The following AFG2A variants were observed in gnomAD, a reference collection of about 807,000 sequenced individuals.
AFG2A encodes AAA ATPase AFG2A.
chr4:122,968,448 T>C, the AFG2A span, among the ~76,000 whole-genome samples: 1 of 152,222 alleles, frequency 6.6e-6, no homozygotes, highest in Non-Finnish European at 1.5e-5. Flanking sequence ...CAGCCCTACA[T>C]GCTCACCTCA....
the AFG2A span, among the ~76,000 whole-genome samples, chr4:123,150,549 C>A: frequency 6.6e-6 from 1 of 151,884 alleles, no homozygotes; most frequent in East Asian, 2.0e-4. Context: ...CCTAGGAATC[C>A]AACTTACAAG....
At chr4:123,001,410 G>A in the AFG2A span, among the ~76,000 whole-genome samples, 1 of 151,652 alleles carries the variant, frequency 6.6e-6, no homozygotes, top group South Asian at 2.1e-4. Context: ...TGTCAATTTT[G>A]GATCTTTCCT....
the AFG2A span, among the ~76,000 whole-genome samples, chr4:123,200,118 C>A: frequency 6.6e-6 from 1 of 151,824 alleles, no homozygotes; most frequent in Non-Finnish European, 1.5e-5. Context: ...TTCTTTTTTT[C>A]TCTGTTCCAA....
chr4:122,925,990 G>A, the AFG2A span, among the ~76,000 whole-genome samples: 1 of 152,180 alleles, frequency 6.6e-6, no homozygotes, highest in Non-Finnish European at 1.5e-5. Flanking sequence ...AGTAGTTAAT[G>A]GGGAAATTAG....
the AFG2A span, among the ~76,000 whole-genome samples, chr4:123,144,772 C>T: frequency 7.2e-5 from 11 of 152,024 alleles, no homozygotes; most frequent in African/African-American, 2.7e-4. Flanking sequence ...TTTTCAGAGT[C>T]ATAGGAACTT....
chr4:122,984,211 A>C, the AFG2A span, among the ~76,000 whole-genome samples: 1 of 151,338 alleles, frequency 6.6e-6, no homozygotes, highest in South Asian at 2.1e-4. Flanking sequence ...TTTTTTTTGC[A>C]GCTATTGTAA....
chr4:123,233,649 A>C, the AFG2A span, among the ~76,000 whole-genome samples: 3 of 151,988 alleles, frequency 2.0e-5, no homozygotes, highest in Admixed American at 2.0e-4. Context: ...CTGGAAAGGA[A>C]GGCCTCTTTT....
the AFG2A span, among the ~76,000 whole-genome samples, chr4:122,989,553 G>T: frequency 6.6e-6 from 1 of 152,150 alleles, no homozygotes; most frequent in Non-Finnish European, 1.5e-5. Context: ...CATAGTGGTG[G>T]GTCTAGAGCC....
the AFG2A span, among the ~76,000 whole-genome samples, chr4:123,196,258 C>G: frequency 4.6e-5 from 7 of 150,712 alleles, no homozygotes; most frequent in Non-Finnish European, 7.4e-5. Flanking sequence ...ATCCGCCCAC[C>G]TTGGCCTCCC....
chr4:122,933,502 G>T, the AFG2A span: 1 of 1,607,530 alleles, frequency 6.2e-7, no homozygotes, highest in East Asian at 2.2e-5. Context: ...AACTAGGTGA[G>T]ACAAATATTT....
chr4:123,271,852 A>C, the AFG2A span, among the ~76,000 whole-genome samples: 1 of 94,656 alleles, frequency 1.1e-5, no homozygotes, highest in African/African-American at 3.4e-5. Flanking sequence ...TCCCCTGAGT[A>C]TTATTCCTAA....
At chr4:122,975,050 C>T in the AFG2A span, among the ~76,000 whole-genome samples, 10 of 152,274 alleles carry the variant, frequency 6.6e-5, no homozygotes, top group East Asian at 1.9e-4. Flanking sequence ...AGTAGTAAAT[C>T]GACCCAATTT....
At chr4:123,035,586 T>G in the AFG2A span, among the ~76,000 whole-genome samples, 2 of 152,182 alleles carry the variant, frequency 1.3e-5, no homozygotes, top group African/African-American at 2.4e-5. Flanking sequence ...TACAAGGTTA[T>G]GAAGAAGTTA....
chr4:123,187,462 C>T, the AFG2A span, among the ~76,000 whole-genome samples: 4 of 152,150 alleles, frequency 2.6e-5, no homozygotes, highest in South Asian at 6.2e-4. Context: ...CTTTGGTCTT[C>T]GTTCAAAAGC....
chr4:123,125,996 G>A, the AFG2A span, among the ~76,000 whole-genome samples: 1 of 152,086 alleles, frequency 6.6e-6, no homozygotes, highest in Non-Finnish European at 1.5e-5. Context: ...GTGATATACT[G>A]TTAAGGAACA....
the AFG2A span, among the ~76,000 whole-genome samples, chr4:123,005,401 C>T: frequency 6.6e-6 from 1 of 152,166 alleles, no homozygotes; most frequent in Admixed American, 6.6e-5. Context: ...GTGATCTGCC[C>T]ACCTCAGCCT....
the AFG2A span, among the ~76,000 whole-genome samples, chr4:123,297,019 T>C: frequency 6.6e-6 from 1 of 152,200 alleles, no homozygotes; most frequent in Non-Finnish European, 1.5e-5. Context: ...CAATTTTAAT[T>C]GACTGTAGGG....
At chr4:123,038,456 A>T in the AFG2A span, among the ~76,000 whole-genome samples, 1 of 152,078 alleles carries the variant, frequency 6.6e-6, no homozygotes, top group Non-Finnish European at 1.5e-5. Flanking sequence ...GTAAAGTGTA[A>T]TATTTATCTT....
At chr4:123,074,750 C>T in the AFG2A span, among the ~76,000 whole-genome samples, 216 of 152,192 alleles carry the variant, frequency 1.4e-3, no homozygotes, top group Middle Eastern at 0.014. Context: ...TTGTAATTCA[C>T]TAGGATCTCT....
Sources: allele counts gnomAD v4.1 joint callset (sites outside exome capture counted in the v4.1 genomes callset), GRCh38; gene constraint gnomAD v4.1.1; transcripts MANE v1.5; gene names NCBI Gene and HGNC (gene_info 2026-07-23, HGNC 2026-07-21).